TRAPPC9: variants seen among roughly 807,000 people sequenced by gnomAD.
TRAPPC9 encodes the protein IKK2 binding protein.
TRAPPC9 carries 83 observed loss-of-function variants against 124.0 expected under a neutral mutation model. The ratio of observed to expected loss-of-function variants is 0.67; its 90% CI spans 0.56 to 0.80. The LOEUF (loss-of-function observed/expected upper bound fraction) is 0.80, where lower values mean the gene tolerates loss of function less well. Ranked by LOEUF, TRAPPC9 falls within the 30% of genes least tolerant of loss-of-function variation. The pLI is 0.00. For missense variants in TRAPPC9, 1,302 were observed against 1,508.3 expected (o/e 0.86, Z 2.27); for synonymous variants, 638 against 617.5 (o/e 1.03, Z -0.49).
chr8:139,887,611 G>A (rs777497022), intron 20 of TRAPPC9, among the ~76,000 whole-genome samples: 16 of 152,066 alleles, frequency 1.1e-4, no homozygotes, highest in Non-Finnish European at 1.5e-4. Context: ...CACACTCTGC[G>A]TGTTCTGCCT....
chr8:140,349,639 G>A (rs1309351283), intron 9 of TRAPPC9, among the ~76,000 whole-genome samples: 5 of 152,276 alleles, frequency 3.3e-5, no homozygotes, highest in African/African-American at 1.2e-4. Context: ...AGGGAGCGGG[G>A]AACACGGAGT....
At chr8:140,040,012 A>T (rs1452689463) in intron 17 of TRAPPC9, 1 of 152,224 alleles carries the variant, frequency 6.6e-6, no homozygotes, top group Non-Finnish European at 1.5e-5. Context: ...GACCCCATCA[A>T]GATCAAATGG....
intron 18 of TRAPPC9, among the ~76,000 whole-genome samples, chr8:139,998,009 C>A (rs1838152144): frequency 6.6e-6 from 1 of 151,338 alleles, no homozygotes; most frequent in Non-Finnish European, 1.5e-5. Context: ...GACAATGCAT[C>A]CTACACAGGG....
intron 21 of TRAPPC9, among the ~76,000 whole-genome samples, chr8:139,740,380 GCA>G (rs1318949257): frequency 6.6e-6 from 1 of 152,242 alleles, no homozygotes; most frequent in Non-Finnish European, 1.5e-5. Context: ...GCTTGGCAGG[GCA>G]CAGAGAAAGG....
intron 21 of TRAPPC9, among the ~76,000 whole-genome samples, chr8:139,764,808 C>T (rs1048515554): frequency 2.6e-5 from 4 of 152,262 alleles, no homozygotes; most frequent in Admixed American, 1.3e-4. Context: ...CTCCCCACCA[C>T]GGTCCGGTGC....
At chr8:140,008,871 G>C (rs140820263) in intron 18 of TRAPPC9, among the ~76,000 whole-genome samples, 130 of 152,304 alleles carry the variant, frequency 8.5e-4, no homozygotes, top group African/African-American at 2.6e-3. Flanking sequence ...GACCTGAAGA[G>C]TTTATATCCC....
chr8:139,774,739 T>C (rs137896471), intron 21 of TRAPPC9, among the ~76,000 whole-genome samples: 1 of 152,222 alleles, frequency 6.6e-6, no homozygotes, highest in Non-Finnish European at 1.5e-5. Context: ...ATTATTGAAA[T>C]TGTCATTTCC....
rs1817702399 is a variant in TRAPPC9, at chr8:139,729,531, AG to A, written c.*1529del. ...GATGCTGAATGAGCTCCAGGAACTG[AG>A]GGCCACTGGACACCCGCCCCCACAT... On this transcript the variant is annotated 3_prime_UTR_variant, in exon 23 of 23. Transcript: ENST00000438773. Among the ~76,000 whole-genome samples the A allele has an allele frequency of 6.6e-6, 1 of 152,210 alleles. No individual in the cohort carries two copies.
At chr8:139,764,779 C>G (rs1195882783) in intron 21 of TRAPPC9, among the ~76,000 whole-genome samples, 1 of 152,118 alleles carries the variant, frequency 6.6e-6, no homozygotes, top group Non-Finnish European at 1.5e-5. Flanking sequence ...GGAGGTGACC[C>G]CTACCCCTGA....
intron 18 of TRAPPC9, among the ~76,000 whole-genome samples, chr8:140,005,456 A>C (rs1046787248): frequency 2.0e-5 from 3 of 152,194 alleles, no homozygotes; most frequent in Non-Finnish European, 4.4e-5. Context: ...TCACAAAGGC[A>C]CTGAGTATAA....
intron 9 of TRAPPC9, among the ~76,000 whole-genome samples, chr8:140,349,314 C>T (rs932729655): frequency 1.5e-5 from 2 of 130,928 alleles, no homozygotes; most frequent in African/African-American, 6.1e-5. Flanking sequence ...GAAGGAGGCA[C>T]GCAAGGAGAG....
At chr8:140,306,678 T>C (rs2066146611) in intron 10 of TRAPPC9, among the ~76,000 whole-genome samples, 1 of 152,124 alleles carries the variant, frequency 6.6e-6, no homozygotes, top group African/African-American at 2.4e-5. Flanking sequence ...CATGAGCCTA[T>C]TTATTAGTAA....
At position 140,054,258 on chromosome 8, in the gene TRAPPC9, C is replaced by T. The variant is rs1842173132; in HGVS notation, c.2557-30179G>A. On this transcript the variant is annotated intron_variant, in intron 17 of 22. Transcript: ENST00000438773. ...GTTATGGGTTCCACAGAAGCCCAAACCCCAACATCATGCAATACATCCATG... is the reference window on the plus strand; with the variant it reads ...GTTATGGGTTCCACAGAAGCCCAAATCCCAACATCATGCAATACATCCATG... 2.0e-5 allele frequency among the ~76,000 whole-genome samples: 3 copies of T among 152,158 alleles called. No homozygotes were observed. In the South Asian group the frequency reaches 6.2e-4, roughly 32 times the overall value.
At position 139,988,761 on chromosome 8, in the gene TRAPPC9, G is replaced by A. The variant is rs547773428; in HGVS notation, c.2775C>T (p.Ser925=). The part of the protein sequence containing the change: ...EHELTVSTRS[S]EALILHAGEC... ...CACCGGCGTGCAGGATGAGTGCCTC[G>A]CTGCTCCTGGTGCTGACGGTCAGCT... Residue 925 remains serine, a synonymous_variant, in exon 19 of 23, where the codon AGC becomes AGT. Coordinates refer to ENST00000438773, the MANE Select transcript of TRAPPC9 (RefSeq NM_001160372.4). 4.5e-5 allele frequency: 70 copies of A among 1,551,234 alleles called. No individual in the cohort carries two copies. The East Asian group carries it at 8.3e-4, about 18-fold the overall frequency.
intron 5 of TRAPPC9, among the ~76,000 whole-genome samples, chr8:140,415,429 C>A (rs1351385734): frequency 6.6e-6 from 1 of 151,384 alleles, no homozygotes; most frequent in Non-Finnish European, 1.5e-5. Flanking sequence ...GTGGTGCACG[C>A]CTGTAATCCC....
chr8:139,745,711 G>GGA (rs1818841468), intron 21 of TRAPPC9, among the ~76,000 whole-genome samples: 1 of 152,250 alleles, frequency 6.6e-6, no homozygotes, highest in Non-Finnish European at 1.5e-5. Context: ...GAGCAGGACA[G>GGA]GGAGGCAAAG....
At chr8:140,226,475 C>G (rs1178604330) in intron 16 of TRAPPC9, among the ~76,000 whole-genome samples, 1 of 151,578 alleles carries the variant, frequency 6.6e-6, no homozygotes, top group Non-Finnish European at 1.5e-5. Flanking sequence ...GCCTATAGTC[C>G]CAGCTACTGG....
At chr8:140,135,157 A>G (rs1298337686) in intron 17 of TRAPPC9, among the ~76,000 whole-genome samples, 1 of 152,188 alleles carries the variant, frequency 6.6e-6, no homozygotes. Context: ...TTAGAGAAAC[A>G]GAAAATAACA....
At chr8:139,809,890 A>AC (rs1339194491) in intron 21 of TRAPPC9, among the ~76,000 whole-genome samples, 5 of 151,190 alleles carry the variant, frequency 3.3e-5, no homozygotes, top group Non-Finnish European at 5.9e-5. Flanking sequence ...ATACTGAGTG[A>AC]CCCCCCTTCC....
Sources: allele counts gnomAD v4.1 joint callset (sites outside exome capture counted in the v4.1 genomes callset), GRCh38; gene constraint gnomAD v4.1.1; transcripts MANE v1.5; gene names NCBI Gene and HGNC (gene_info 2026-07-23, HGNC 2026-07-21).